The following IQCJ variants were observed in gnomAD, a reference collection of about 807,000 sequenced individuals.
IQCJ encodes the protein IQ domain-containing protein J.
A neutral mutation model predicts 11.0 loss-of-function variants in IQCJ; 9 were observed. The ratio of observed to expected loss-of-function variants is 0.82; its 90% CI spans 0.49 to 1.43. The LOEUF (loss-of-function observed/expected upper bound fraction) is 1.43. Ranked by LOEUF, IQCJ falls within the 40% of genes most tolerant of loss-of-function variation. The pLI, the probability that IQCJ is intolerant of heterozygous loss-of-function variation, is 0.00. For synonymous variants in IQCJ, 55 were observed against 51.3 expected, an observed-to-expected ratio of 1.07 and a Z score of -0.31; for missense variants, 146 against 133.2, an observed-to-expected ratio of 1.10 and a Z score of -0.47.
At chr3:159,135,019 T>C (rs563292815) in intron 1 of IQCJ, among the ~76,000 whole-genome samples, 2 of 152,228 alleles carry the variant, frequency 1.3e-5, no homozygotes, top group East Asian at 3.9e-4. Context: ...CCAGGACAGT[T>C]TGTGCTGATG....
chr3:159,226,801 G>A (rs1437157263), intron 1 of IQCJ, among the ~76,000 whole-genome samples: 3 of 152,188 alleles, frequency 2.0e-5, no homozygotes, highest in Non-Finnish European at 4.4e-5. Context: ...AGGGGCTTGT[G>A]ACATGTTTGG....
intron 1 of IQCJ, among the ~76,000 whole-genome samples, chr3:159,178,387 GAAACCAC>G (rs1345290466): frequency 9.2e-5 from 14 of 152,296 alleles, no homozygotes; most frequent in Non-Finnish European, 1.3e-4. Context: ...ACCCAGTAAT[GAAACCAC>G]TTACTCTGAC....
chr3:159,153,402 A>G lies in IQCJ; in HGVS notation c.9+83961A>G, dbSNP rs556283447. Among the ~76,000 whole-genome samples, 16 of 152,320 alleles carry G rather than the reference A, an allele frequency of 1.1e-4. No homozygotes were observed. In the South Asian group the frequency reaches 2.1e-3, roughly 20 times the overall value. The stretch of plus-strand genomic sequence containing the variant: ...ATGGAGGCTCTGAGTTATTGCATCT[A>G]TGAATGTCTTCTACAACCAGTGGAG... On this transcript the variant is annotated intron_variant, in intron 1 of 3. Coordinates refer to ENST00000397832, the MANE Select transcript of IQCJ (RefSeq NM_001042706.3).
At position 159,198,270 on chromosome 3, in the gene IQCJ, C is replaced by T. The variant is rs1724110635; in HGVS notation, c.10-47573C>T. Among the ~76,000 whole-genome samples the T allele has an allele frequency of 2.6e-5, 4 of 152,002 alleles. No homozygotes were observed. In the South Asian group the frequency reaches 6.2e-4, roughly 24 times the overall value. ...CTGTACCACCATTTCCTTGCAGAGG[C>T]AAGTTTCTCTGATTCTGAACAAATG... On this transcript the variant is annotated intron_variant, in intron 1 of 3. Transcript: ENST00000397832.
At chr3:159,262,225 T>G (rs2621308) in intron 3 of IQCJ, among the ~76,000 whole-genome samples, 117,298 of 152,212 alleles carry the variant, frequency 0.77, 46,397 homozygotes, top group African/African-American at 0.93. Flanking sequence ...AAAGAATTTG[T>G]TGTCTCATAA....
chr3:159,233,144 T>C (rs557330891), intron 1 of IQCJ, among the ~76,000 whole-genome samples: 10 of 152,318 alleles, frequency 6.6e-5, no homozygotes, highest in African/African-American at 2.4e-4. Flanking sequence ...CATCCCAAGT[T>C]TTTGAGTTCA....
intron 1 of IQCJ, among the ~76,000 whole-genome samples, chr3:159,151,800 T>C (rs190208583): frequency 2.0e-4 from 30 of 152,280 alleles, no homozygotes; most frequent in African/African-American, 7.0e-4. Flanking sequence ...CACGTTTGCC[T>C]AATTTTTTGT....
At chr3:159,095,273 C>T (rs952493632) in intron 1 of IQCJ, among the ~76,000 whole-genome samples, 1 of 151,778 alleles carries the variant, frequency 6.6e-6, no homozygotes, top group East Asian at 1.9e-4. Context: ...TGTGTATAGA[C>T]AGTGTTCTTA....
At chr3:159,231,099 G>A (rs189461378) in intron 1 of IQCJ, among the ~76,000 whole-genome samples, 14 of 152,282 alleles carry the variant, frequency 9.2e-5, no homozygotes, top group African/African-American at 2.9e-4. Flanking sequence ...CCAAAGCAGG[G>A]TTTGTAAGTT....
chr3:159,265,494 T>A, downstream of IQCJ: 2 of 994,928 alleles, frequency 2.0e-6, no homozygotes, highest in Non-Finnish European at 2.9e-6. Context: ...CTAACAACCA[T>A]GAGTCCATTT....
chr3:159,247,926 C>A (rs114543354), intron 2 of IQCJ, among the ~76,000 whole-genome samples: 365 of 152,270 alleles, frequency 2.4e-3, no homozygotes, highest in African/African-American at 8.4e-3. Flanking sequence ...GCATGCCAAA[C>A]ACCATACTTT....
chr3:159,102,444 T>C (rs1717994463), intron 1 of IQCJ, among the ~76,000 whole-genome samples: 2 of 152,174 alleles, frequency 1.3e-5, no homozygotes, highest in East Asian at 1.9e-4. Context: ...CTAATATCTG[T>C]AACAGGAAAG....
chr3:159,201,338 T>C (rs536112448), intron 1 of IQCJ, among the ~76,000 whole-genome samples: 10 of 152,350 alleles, frequency 6.6e-5, no homozygotes, highest in South Asian at 4.1e-4. Context: ...ATTTGGGTTT[T>C]ATATGGTAGT....
At chr3:159,160,578 A>T (rs1177987957) in intron 1 of IQCJ, among the ~76,000 whole-genome samples, 1 of 151,852 alleles carries the variant, frequency 6.6e-6, no homozygotes, top group East Asian at 1.9e-4. Flanking sequence ...CATGTGCACA[A>T]TGTGCAGGTT....
chr3:159,156,991 T>C (rs1721560888), intron 1 of IQCJ, among the ~76,000 whole-genome samples: 1 of 152,206 alleles, frequency 6.6e-6, no homozygotes, highest in Admixed American at 6.5e-5. Context: ...ACCTGGCATT[T>C]CAAAGCTGTA....
At chr3:159,249,184 G>GT (rs946157795) in intron 2 of IQCJ, among the ~76,000 whole-genome samples, 10 of 152,052 alleles carry the variant, frequency 6.6e-5, no homozygotes, top group African/African-American at 2.2e-4. Flanking sequence ...AGGAAATGAA[G>GT]TTTTTTTTGT....
chr3:159,245,823 A>G lies in IQCJ; in HGVS notation c.10-20A>G, dbSNP rs886969379. 9 of 1,534,432 alleles carry G rather than the reference A, an allele frequency of 5.9e-6. No homozygotes were observed. Among genetic ancestry groups the G allele is most frequent in the Middle Eastern group, 1.7e-4 (1 of 5,924 alleles). On this transcript the variant is annotated intron_variant, in intron 1 of 3. Coordinates refer to ENST00000397832, the MANE Select transcript of IQCJ (RefSeq NM_001042706.3). ...AGTAGCTGGTGACAATTTGTAAGATATATCTTCTCTTTTTCACAGGAAGAA... is the reference window on the plus strand; with the variant it reads ...AGTAGCTGGTGACAATTTGTAAGATGTATCTTCTCTTTTTCACAGGAAGAA...
chr3:159,111,849 G>A (rs1718652377), intron 1 of IQCJ, among the ~76,000 whole-genome samples: 1 of 152,126 alleles, frequency 6.6e-6, no homozygotes, highest in African/African-American at 2.4e-5. Flanking sequence ...GTTTTAGTGT[G>A]ATGCTTGCTT....
At chr3:159,145,773 C>G (rs1336945113) in intron 1 of IQCJ, among the ~76,000 whole-genome samples, 1 of 152,056 alleles carries the variant, frequency 6.6e-6, no homozygotes, top group Non-Finnish European at 1.5e-5. Flanking sequence ...ATGAATATTA[C>G]TAAATTTAAC....
Sources: allele counts gnomAD v4.1 joint callset (sites outside exome capture counted in the v4.1 genomes callset), GRCh38; gene constraint gnomAD v4.1.1; transcripts MANE v1.5; gene names NCBI Gene and HGNC (gene_info 2026-07-23, HGNC 2026-07-21).